The following DDX27 variants were observed in gnomAD, a reference collection of about 807,000 sequenced individuals.
The protein encoded by DDX27 is DEAD-box helicase 27, also known as probable ATP-dependent RNA helicase DDX27.
Under a neutral mutation model 99.3 loss-of-function variants are expected in DDX27, and 42 were observed. The observed-to-expected ratio is 0.42, with a 90% confidence interval of 0.33 to 0.55. DDX27 has a LOEUF of 0.55. Among genes scored for constraint, DDX27 ranks in the 20% least tolerant of loss-of-function variants. The pLI, the probability that DDX27 is intolerant of heterozygous loss-of-function variation, is 0.07. For synonymous variants in DDX27, 329 were observed against 353.8 expected (o/e 0.93, Z 0.79); for missense variants, 798 against 976.8 (o/e 0.82, Z 2.44).
intron 4 of DDX27, among the ~76,000 whole-genome samples, chr20:49,224,366 CT>C (rs11381256): frequency 2.8e-4 from 41 of 144,360 alleles, no homozygotes; most frequent in East Asian, 1.2e-3. Context: ...TTCTTTCTTT[CT>C]TTTTTTTTTT....
chr20:49,222,324 T>G (rs1979717891), intron 2 of DDX27, among the ~76,000 whole-genome samples: 1 of 150,988 alleles, frequency 6.6e-6, no homozygotes, highest in African/African-American at 2.4e-5. Context: ...TTTTTGTTGT[T>G]TTTGAGATGG....
At chr20:49,229,128 C>T (rs921543142) in intron 8 of DDX27, among the ~76,000 whole-genome samples, 2 of 151,526 alleles carry the variant, frequency 1.3e-5, no homozygotes, top group African/African-American at 4.9e-5. Flanking sequence ...AGCTCCGCCT[C>T]CCGGGTTCAC....
intron 17 of DDX27, 45 bp from the exon 18 acceptor site, chr20:49,242,038 A>C (rs1413838484): frequency 3.1e-6 from 5 of 1,613,520 alleles, no homozygotes; most frequent in Non-Finnish European, 4.2e-6. Flanking sequence ...GGTGGGTCAG[A>C]GTGGCCTGGT....
chr20:49,228,800 A>G lies in DDX27; in HGVS notation c.792A>G (p.Leu264=), dbSNP rs750785302. The change falls in exon 8 of 21, where the codon CTA becomes CTG. Residue 264 remains leucine (L), a synonymous_variant. Transcript: ENST00000618172. ...CTCCAGTCACCCGCGTGCTGGTGCTAGTGCCCACCCGAGAGCTGGGCATCC... is the reference window on the plus strand; with the variant it reads ...CTCCAGTCACCCGCGTGCTGGTGCTGGTGCCCACCCGAGAGCTGGGCATCC... ...RQAPVTRVLV[L]VPTRELGIQV... The G allele has an allele frequency of 6.9e-5, 112 of 1,613,280 alleles. No individual in the cohort carries two copies. The highest frequency in any genetic ancestry group is 9.2e-5 in the Non-Finnish European group (108 of 1,179,634).
chr20:49,236,292 C>T lies in DDX27; in HGVS notation c.1510-41C>T, dbSNP rs45527432. 468 of 1,569,798 alleles carry T rather than the reference C, an allele frequency of 3.0e-4. 1 individual carries two copies. The highest frequency in any genetic ancestry group is 2.8e-3 in the South Asian group (235 of 84,944). On this transcript the variant is annotated intron_variant, in intron 13 of 20. Coordinates refer to ENST00000618172, the MANE Select transcript of DDX27 (RefSeq NM_017895.8). The surrounding 1 kb of genome is among the most constrained non-coding windows in gnomAD (Gnocchi z 4.1). ...AAGTCTTTTTGCCTCTTCGCACCCC[C>T]CTTCCCTTGCCAGGCCTGACGTTCA...
At chr20:49,231,785 G>GCCCAGCAGCGCTGTC (rs1376727010) in intron 9 of DDX27, among the ~76,000 whole-genome samples, 1 of 152,148 alleles carries the variant, frequency 6.6e-6, no homozygotes, top group Non-Finnish European at 1.5e-5. Flanking sequence ...GCACAGCTGT[G>GCCCAGCAGCGCTGTC]CCCAGCAGCG....
chr20:49,243,527 A>C, intron 19 of DDX27, 102 bp from the exon 20 acceptor site: 2 of 992,396 alleles, frequency 2.0e-6, no homozygotes, highest in Non-Finnish European at 3.2e-6. Flanking sequence ...GATGCATCCC[A>C]GAGATGCTAC....
At position 49,236,159 on chromosome 20, in the gene DDX27, G is replaced by A; in HGVS notation, c.1437G>A (p.Lys479=). Residue 479 remains lysine, a synonymous_variant, in exon 13 of 21, where the codon AAG becomes AAA. Transcript: ENST00000618172. The surrounding 1 kb of genome is among the most constrained non-coding windows in gnomAD (Gnocchi z 4.1). ...TQRLEALRRF[K]DEQIDILVAT... ...TTGTGACTGTTTCTAGGCGTTTTAAGGATGAACAGATTGACATCCTCGTGG... is the reference window on the plus strand; with the variant it reads ...TTGTGACTGTTTCTAGGCGTTTTAAAGATGAACAGATTGACATCCTCGTGG... 1.2e-6 allele frequency: 2 copies of A among 1,611,568 alleles called. No individual in the cohort carries two copies. The highest frequency in any genetic ancestry group is 1.7e-4 in the Middle Eastern group (1 of 6,040).
intron 14 of DDX27, 41 bp from the exon 15 acceptor site, chr20:49,238,908 C>G (rs1980387997): frequency 1.3e-6 from 2 of 1,493,394 alleles, no homozygotes; most frequent in Non-Finnish European, 1.9e-6. Context: ...CATGCCTGGC[C>G]TACCCTTATT....
intron 11 of DDX27, chr20:49,233,947 C>G: frequency 2.0e-6 from 1 of 491,708 alleles, no homozygotes; most frequent in Non-Finnish European, 3.7e-6. Context: ...CACTTGGCAT[C>G]AGCTGCTGTT....
intron 11 of DDX27, chr20:49,234,131 T>C (rs57069649): frequency 6.2e-6 from 1 of 162,150 alleles, no homozygotes; most frequent in African/African-American, 2.4e-5. Flanking sequence ...CACCCTGCGG[T>C]GGCTTCCATT....
intron 12 of DDX27, 169 bp downstream of exon 12, chr20:49,235,257 G>A (rs1980264584): frequency 3.0e-6 from 2 of 660,378 alleles, no homozygotes; most frequent in East Asian, 6.4e-5. Context: ...TCTTAGATGT[G>A]TTTAGAACTC....
intron 8 of DDX27, among the ~76,000 whole-genome samples, chr20:49,229,491 C>A (rs911613195): frequency 3.3e-5 from 5 of 152,186 alleles, no homozygotes; most frequent in East Asian, 1.9e-4. Flanking sequence ...TTACTTTGGG[C>A]AGCGTTTTTC....
chr20:49,231,207 A>T (rs539027430), intron 9 of DDX27: 1 of 152,414 alleles, frequency 6.6e-6, no homozygotes, highest in Admixed American at 6.6e-5. Flanking sequence ...TCCTGCCTGC[A>T]TTGTCACTGA....
chr20:49,227,833 AG>A, intron 7 of DDX27, among the ~76,000 whole-genome samples: 1 of 136,952 alleles, frequency 7.3e-6, no homozygotes. Flanking sequence ...ATATCAGAGG[AG>A]GAAATTTTTT....
intron 1 of DDX27, among the ~76,000 whole-genome samples, chr20:49,220,264 C>T (rs1979599263): frequency 6.6e-6 from 1 of 152,126 alleles, no homozygotes; most frequent in Non-Finnish European, 1.5e-5. Context: ...TCTTCCTCAC[C>T]GCCGCCAGTG....
chr20:49,235,666 G>A (rs561417566), intron 12 of DDX27: 67 of 155,846 alleles, frequency 4.3e-4, no homozygotes, highest in Non-Finnish European at 8.6e-4. Context: ...AGCAGATACA[G>A]AACTACGTTT....
In DDX27 at chr20:49,226,857, C is replaced by CTTT. The variant is rs36048579; in HGVS notation, c.706+343_706+345dup. On this transcript the variant is annotated intron_variant, in intron 7 of 20. Coordinates refer to ENST00000618172, the MANE Select transcript of DDX27 (RefSeq NM_017895.8). ...CTGGTGCAATTGAGAGAGTAAAGGA[C>CTTT]TTTTTTTTTTTTTTTTTTTTTTTGA... is the stretch of plus-strand genomic sequence containing the variant. 2.8e-3 allele frequency among the ~76,000 whole-genome samples: 178 copies of CTTT among 63,468 alleles called. 8 individuals carry two copies. Among genetic ancestry groups the CTTT allele is most frequent in the African/African-American group, 6.5e-3 (100 of 15,444 alleles). 41.6% of individuals were successfully genotyped at this position (63,468 alleles called of 152,430 possible). A position where few individuals can be genotyped will look rare whatever the true frequency, so the allele number is the denominator to read the frequency against.
chr20:49,226,880 T>TC (rs1979911540), intron 7 of DDX27, among the ~76,000 whole-genome samples: 1 of 144,454 alleles, frequency 6.9e-6, no homozygotes, highest in African/African-American at 2.5e-5. Flanking sequence ...TTTTTTTTTT[T>TC]GAGACGGAGT....
Sources: gnomAD v4.1 joint callset for allele counts (sites outside exome capture counted in the v4.1 genomes callset) on GRCh38, gnomAD v4.1.1 for gene constraint, Gnocchi (gnomAD v3.1) non-coding constraint, MANE v1.5 for transcripts, NCBI Gene and HGNC (gene_info 2026-07-23, HGNC 2026-07-21) for gene names.